The following SMYD3 variants were observed in gnomAD, a reference collection of about 807,000 sequenced individuals.
SMYD3 encodes the protein SET and MYND domain containing 3.
Under a neutral mutation model 57.7 loss-of-function variants are expected in SMYD3, and 36 were observed. The observed-to-expected ratio is 0.62, with a 90% CI of 0.48 to 0.82. The LOEUF (loss-of-function observed/expected upper bound fraction) is 0.82. Among genes scored for constraint, SMYD3 ranks in the 40% least tolerant of loss-of-function variants. The pLI, the probability that SMYD3 is intolerant of heterozygous loss-of-function variation, is 0.00. For missense variants in SMYD3, 515 were observed against 538.8 expected (o/e 0.96, Z 0.44); for synonymous variants, 211 against 195.0 (o/e 1.08, Z -0.68).
chr1:246,098,831 C>T (rs1193380205), intron 5 of SMYD3, among the ~76,000 whole-genome samples: 1 of 152,148 alleles, frequency 6.6e-6, no homozygotes, highest in African/African-American at 2.4e-5. Context: ...TACACTCACA[C>T]ACACACATTT....
In SMYD3 at chr1:246,083,098, A is replaced by T. The variant is rs575302398; in HGVS notation, c.532-153161T>A. On this transcript the variant is annotated intron_variant, in intron 5 of 11. Transcript: ENST00000490107. ...AGACCTGACCGTCCCCCAGCCCGACACCCGTAAAGGGTCTGTGCTGAGGAG... is the reference window on the plus strand; with the variant it reads ...AGACCTGACCGTCCCCCAGCCCGACTCCCGTAAAGGGTCTGTGCTGAGGAG... 5.7e-3 allele frequency among the ~76,000 whole-genome samples: 860 copies of T among 151,984 alleles called. 7 individuals carry two copies. Among genetic ancestry groups the T allele is most frequent in the African/African-American group, 0.02 (819 of 41,374 alleles).
chr1:246,429,004 T>C (rs999293597), intron 1 of SMYD3, among the ~76,000 whole-genome samples: 13 of 98,680 alleles, frequency 1.3e-4, no homozygotes, highest in Non-Finnish European at 4.7e-5. Flanking sequence ...AGCACAAGCA[T>C]TCCTTCCTAC....
intron 5 of SMYD3, among the ~76,000 whole-genome samples, chr1:246,285,971 C>CA (rs975796133): frequency 2.7e-4 from 41 of 151,976 alleles, no homozygotes; most frequent in Admixed American, 1.6e-3. Flanking sequence ...TGGCCATAAC[C>CA]AAAAAAATTT....
chr1:246,041,066 C>A (rs770214842), intron 5 of SMYD3, among the ~76,000 whole-genome samples: 7 of 152,146 alleles, frequency 4.6e-5, no homozygotes, highest in Admixed American at 1.3e-4. Flanking sequence ...TGTTTAGATA[C>A]ACAAATACTT....
At chr1:246,161,401 T>C (rs1572132720) in intron 5 of SMYD3, among the ~76,000 whole-genome samples, 1 of 152,320 alleles carries the variant, frequency 6.6e-6, no homozygotes, top group South Asian at 2.1e-4. Context: ...AGGCATCCTC[T>C]CTTCCAGGCT....
chr1:245,766,152 C>T (rs1374818461), intron 10 of SMYD3, among the ~76,000 whole-genome samples: 1 of 152,038 alleles, frequency 6.6e-6, no homozygotes, highest in Non-Finnish European at 1.5e-5. Context: ...CACCTGTAAT[C>T]CCAGCACTTT....
At chr1:246,142,905 C>T (rs564654281) in intron 5 of SMYD3, among the ~76,000 whole-genome samples, 1 of 152,218 alleles carries the variant, frequency 6.6e-6, no homozygotes, top group East Asian at 1.9e-4. Context: ...TTAGTTCCAA[C>T]CTTTGGCAGC....
At position 246,407,868 on chromosome 1, in the gene SMYD3, T is replaced by TTA. The variant is rs397820239; in HGVS notation, c.165-52776_165-52775dup. Among the ~76,000 whole-genome samples, 315 of 149,818 alleles carry TTA rather than the reference T, an allele frequency of 2.1e-3. 3 individuals are homozygous for TTA. The highest frequency in any genetic ancestry group is 7.1e-3 in the African/African-American group (291 of 41,068). ...ATAAATAAATAAATAAATAAATAAA[T>TTA]TATATATATATATTCACTCTTGAGG... On this transcript the variant is annotated intron_variant, in intron 1 of 11. Coordinates refer to ENST00000490107, the MANE Select transcript of SMYD3 (RefSeq NM_001167740.2).
At chr1:246,411,662 C>T (rs1177814833) in intron 1 of SMYD3, among the ~76,000 whole-genome samples, 7 of 152,076 alleles carry the variant, frequency 4.6e-5, no homozygotes, top group Non-Finnish European at 2.9e-5. Context: ...AGGATGAGTT[C>T]ATGCCCTTTG....
At chr1:246,253,891 T>C (rs1213646018) in intron 5 of SMYD3, among the ~76,000 whole-genome samples, 1 of 152,228 alleles carries the variant, frequency 6.6e-6, no homozygotes, top group Non-Finnish European at 1.5e-5. Context: ...GATCGAATGG[T>C]AGTTCTGCTT....
At chr1:246,313,570 C>T (rs2065113223) in intron 5 of SMYD3, among the ~76,000 whole-genome samples, 2 of 152,210 alleles carry the variant, frequency 1.3e-5, no homozygotes, top group South Asian at 4.1e-4. Flanking sequence ...CTATAAGCAT[C>T]AAAACGAAAA....
At chr1:245,931,852 T>G (rs2056742424) in intron 5 of SMYD3, among the ~76,000 whole-genome samples, 1 of 152,220 alleles carries the variant, frequency 6.6e-6, no homozygotes, top group Non-Finnish European at 1.5e-5. Context: ...TCTAGCATGA[T>G]TTGGCTTTTT....
chr1:246,324,916 T>G (rs973227380), intron 5 of SMYD3, among the ~76,000 whole-genome samples: 1 of 148,364 alleles, frequency 6.7e-6, no homozygotes, highest in Non-Finnish European at 1.5e-5. Context: ...CAGTGACTCA[T>G]CCCTGAAAGC....
chr1:246,093,846 A>G (rs553630536), intron 5 of SMYD3, among the ~76,000 whole-genome samples: 124 of 152,288 alleles, frequency 8.1e-4, no homozygotes, highest in Non-Finnish European at 1.5e-3. Flanking sequence ...ATTTGGATAC[A>G]TTTAATATAT....
At chr1:246,497,138 T>C (rs952108357) in intron 1 of SMYD3, among the ~76,000 whole-genome samples, 2 of 152,176 alleles carry the variant, frequency 1.3e-5, no homozygotes, top group Admixed American at 1.3e-4. Context: ...CTTGTAGTAA[T>C]AAACTGTAAG....
chr1:246,392,806 GAAA>G (rs35750695), intron 1 of SMYD3, among the ~76,000 whole-genome samples: 1 of 139,226 alleles, frequency 7.2e-6, no homozygotes, highest in Non-Finnish European at 1.6e-5. Context: ...AAAAGAAAAA[GAAA>G]AAAAAAAAAC....
intron 1 of SMYD3, among the ~76,000 whole-genome samples, chr1:246,444,125 G>GC (rs1197399927): frequency 1.0e-5 from 1 of 98,042 alleles, no homozygotes; most frequent in Non-Finnish European, 2.0e-5. Flanking sequence ...CAGAACCTAA[G>GC]AATTTTTTTT....
At chr1:245,786,158 C>G (rs920054515) in intron 10 of SMYD3, among the ~76,000 whole-genome samples, 1 of 115,306 alleles carries the variant, frequency 8.7e-6, no homozygotes, top group Non-Finnish European at 1.6e-5. Context: ...ACCATGATAA[C>G]TAGTTGAGAA....
In SMYD3 at chr1:246,488,970, G is replaced by C. The variant is rs369067978; in HGVS notation, c.164+18084C>G. 5.9e-5 allele frequency among the ~76,000 whole-genome samples: 9 copies of C among 152,156 alleles called. 1 individual carries two copies. The East Asian group carries it at 1.2e-3, about 20-fold the overall frequency. On this transcript the variant is annotated intron_variant, in intron 1 of 11. Coordinates refer to ENST00000490107, the MANE Select transcript of SMYD3 (RefSeq NM_001167740.2). ...TTCTCCGGAGAGGCACTGAGAGCCA[G>C]ATTTTTAACAAGTCCTCTCTCTCTC...
Sources: gnomAD v4.1 joint callset for allele counts (sites outside exome capture counted in the v4.1 genomes callset) on GRCh38, gnomAD v4.1.1 for gene constraint, MANE v1.5 for transcripts, NCBI Gene and HGNC (gene_info 2026-07-23, HGNC 2026-07-21) for gene names.